Variants in DSCAML1 observed in about 807,000 individuals in gnomAD.
The protein encoded by DSCAML1 is DS cell adhesion molecule like 1.
DSCAML1 carries 38 observed loss-of-function variants against 200.5 expected under a neutral mutation model. The ratio of observed to expected loss-of-function variants is 0.19; its 90% CI spans 0.15 to 0.25. The LOEUF (loss-of-function observed/expected upper bound fraction) is 0.25, where lower values mean the gene tolerates loss of function less well. Ranked by LOEUF, DSCAML1 falls within the 10% of genes least tolerant of loss-of-function variation. The probability of loss-of-function intolerance (pLI) is 1.00; values close to 1 mark genes in which losing one functional copy is unlikely to be tolerated. For synonymous variants in DSCAML1, 1,215 were observed against 1,165.0 expected (o/e 1.04, Z -0.87); for missense variants, 2,223 against 2,858.8 (o/e 0.78, Z 5.07).
In DSCAML1 at chr11:117,487,199, A is replaced by G. The variant is rs373220706; in HGVS notation, c.2360-5037T>C. On this transcript the variant is annotated intron_variant, in intron 11 of 32. Coordinates refer to ENST00000651296, the MANE Select transcript of DSCAML1 (RefSeq NM_020693.4). ...CTCAGCCTCCCAAAGTGCTGGGATT[A>G]CAGGTGTGAGCCACTGCACCTGGCT... is the stretch of plus-strand genomic sequence containing the variant. Among the ~76,000 whole-genome samples, 22 of 152,262 alleles carry G rather than the reference A, an allele frequency of 1.4e-4. 1 individual carries two copies. Among genetic ancestry groups the G allele is most frequent in the East Asian group, 1.4e-3 (7 of 5,174 alleles).
chr11:117,723,878 C>T (rs540985800), intron 3 of DSCAML1, among the ~76,000 whole-genome samples: 37 of 152,358 alleles, frequency 2.4e-4, no homozygotes, highest in African/African-American at 8.7e-4. Context: ...ACCACGTCGT[C>T]TCCTCCCACC....
chr11:117,539,225 A>G (rs1224889087), intron 3 of DSCAML1, among the ~76,000 whole-genome samples: 2 of 152,008 alleles, frequency 1.3e-5, no homozygotes, highest in Non-Finnish European at 2.9e-5. Context: ...CCCAGATTAA[A>G]CCCACTCCCA....
At chr11:117,491,467 G>T (rs150679685) in intron 11 of DSCAML1, among the ~76,000 whole-genome samples, 1 of 152,320 alleles carries the variant, frequency 6.6e-6, no homozygotes, top group African/African-American at 2.4e-5. Flanking sequence ...CATCCATGAC[G>T]TAAGAATGTG....
intron 16 of DSCAML1, among the ~76,000 whole-genome samples, chr11:117,465,404 C>G (rs2048560587): frequency 6.6e-6 from 1 of 152,228 alleles, no homozygotes. Context: ...CTTCCTGCGC[C>G]CCAGCACTCT....
intron 3 of DSCAML1, among the ~76,000 whole-genome samples, chr11:117,623,040 A>G (rs1002746678): frequency 6.6e-6 from 1 of 151,996 alleles, no homozygotes; most frequent in African/African-American, 2.4e-5. Context: ...TATTAGCTCT[A>G]CGGTCTCAGG....
intron 3 of DSCAML1, among the ~76,000 whole-genome samples, chr11:117,650,579 T>C (rs1461617010): frequency 6.6e-6 from 1 of 151,904 alleles, no homozygotes; most frequent in Admixed American, 6.5e-5. Context: ...GAACACACAC[T>C]TGGTGGAAGG....
At chr11:117,773,301 C>A (rs575571136) in intron 3 of DSCAML1, among the ~76,000 whole-genome samples, 1 of 152,282 alleles carries the variant, frequency 6.6e-6, no homozygotes, top group Non-Finnish European at 1.5e-5. Context: ...AGTCTCCCTG[C>A]TCCTTCTGTG....
At position 117,729,747 on chromosome 11, in the gene DSCAML1, G is replaced by A. The variant is rs186486225; in HGVS notation, c.511+47044C>T. Among the ~76,000 whole-genome samples, 3 of 152,340 alleles carry A rather than the reference G, an allele frequency of 2.0e-5. No individual in the cohort carries two copies. The East Asian group carries it at 5.8e-4, about 29-fold the overall frequency. ...CTTGGGTGGCTGTTGTGATAGACAG[G>A]ATAATGACCTTCCAAAGATGCCCAG... On this transcript the variant is annotated intron_variant, in intron 3 of 32. Coordinates refer to ENST00000651296, the MANE Select transcript of DSCAML1 (RefSeq NM_020693.4).
At chr11:117,797,347 A>T, upstream of DSCAML1, 2 of 1,142,272 alleles carry the variant, frequency 1.8e-6, no homozygotes, top group Non-Finnish European at 2.3e-6. Context: ...GCCCAGACGG[A>T]CCCCAGCCCC....
intron 3 of DSCAML1, among the ~76,000 whole-genome samples, chr11:117,765,969 A>C (rs984987794): frequency 1.3e-5 from 2 of 152,180 alleles, no homozygotes; most frequent in Non-Finnish European, 2.9e-5. Flanking sequence ...TCCAGCAACC[A>C]CGGAAACAGG....
intron 1 of DSCAML1, among the ~76,000 whole-genome samples, chr11:117,809,871 TCA>T (rs879723298): frequency 2.7e-4 from 41 of 151,412 alleles, no homozygotes; most frequent in Middle Eastern, 6.8e-3. Context: ...ACTTACACAT[TCA>T]CATACTCTTA....
chr11:117,587,530 GC>G (rs1316714479), intron 3 of DSCAML1, among the ~76,000 whole-genome samples: 5 of 152,106 alleles, frequency 3.3e-5, no homozygotes, highest in Non-Finnish European at 7.4e-5. Context: ...CCTCTAGGGA[GC>G]CCAAGACTCC....
intron 3 of DSCAML1, among the ~76,000 whole-genome samples, chr11:117,617,462 C>G (rs938128315): frequency 6.6e-6 from 1 of 151,534 alleles, no homozygotes; most frequent in Non-Finnish European, 1.5e-5. Flanking sequence ...AACTGTTATT[C>G]CATCTACACA....
At position 117,443,850 on chromosome 11, in the gene DSCAML1, GTGTT is replaced by G. The variant is rs552703698; in HGVS notation, c.3862+32_3862+35del. On this transcript the variant is annotated intron_variant, in intron 21 of 32. Transcript: ENST00000651296. ...GGATTCTGTAAGGGAGCTTTTGGAA[GTGTT>G]TGCCCCTCTGCCACAGCCTCAGGCT... The G allele has an allele frequency of 2.6e-5, 40 of 1,545,340 alleles. No individual in the cohort carries two copies. In the East Asian group the frequency reaches 9.1e-4, roughly 35 times the overall value.
At chr11:117,605,794 G>A (rs2051555259) in intron 3 of DSCAML1, among the ~76,000 whole-genome samples, 1 of 152,174 alleles carries the variant, frequency 6.6e-6, no homozygotes, top group Non-Finnish European at 1.5e-5. Context: ...ACCTGGACTT[G>A]AAACCTGGCT....
Position 117,471,856 on chromosome 11 carries a change from G to T in DSCAML1, c.2953+13C>A. On this transcript the variant is annotated intron_variant, in intron 15 of 32. Transcript: ENST00000651296. The stretch of plus-strand genomic sequence containing the variant: ...TGAGGCCATGGGCAGGGCAGGCTGG[G>T]TGAGGTGCTCACCGGCCTCCTCAGT... 6.6e-7 allele frequency: 1 copy of T among 1,509,084 alleles called. No homozygotes were observed. The highest frequency in any genetic ancestry group is 8.9e-7 in the Non-Finnish European group (1 of 1,122,828). 93.5% of individuals were successfully genotyped at this position (1,509,084 alleles called of 1,614,324 possible).
At chr11:117,772,490 T>C (rs2055057357) in intron 3 of DSCAML1, among the ~76,000 whole-genome samples, 1 of 152,186 alleles carries the variant, frequency 6.6e-6, no homozygotes, top group Non-Finnish European at 1.5e-5. Flanking sequence ...TGCAGGCTTG[T>C]CTTCCTGAGC....
chr11:117,599,594 A>G (rs2051427511), intron 3 of DSCAML1, among the ~76,000 whole-genome samples: 1 of 152,158 alleles, frequency 6.6e-6, no homozygotes, highest in Non-Finnish European at 1.5e-5. Context: ...TACCATGTGA[A>G]CATATTCACT....
intron 3 of DSCAML1, among the ~76,000 whole-genome samples, chr11:117,664,302 A>G (rs1208054933): frequency 6.6e-6 from 1 of 152,242 alleles, no homozygotes; most frequent in Admixed American, 6.5e-5. Flanking sequence ...GGCTGCTGAC[A>G]GGCTTTCTGA....
Sources: allele counts gnomAD v4.1 joint callset (sites outside exome capture counted in the v4.1 genomes callset), GRCh38; gene constraint gnomAD v4.1.1; transcripts MANE v1.5; gene names NCBI Gene and HGNC (gene_info 2026-07-23, HGNC 2026-07-21).